Variants in NALF1 observed in about 807,000 individuals in gnomAD.
NALF1 encodes family with sequence similarity 155 member A.
In NALF1, 3 loss-of-function variants were observed where a neutral mutation model predicts 48.4. The ratio of observed to expected loss-of-function variants is 0.06; its 90% CI spans 0.03 to 0.16. The LOEUF (loss-of-function observed/expected upper bound fraction) is 0.16, where lower values mean the gene tolerates loss of function less well. Ranked by LOEUF, NALF1 falls within the 10% of genes least tolerant of loss-of-function variation. The probability of loss-of-function intolerance (pLI) is 1.00; values close to 1 mark genes in which losing one functional copy is unlikely to be tolerated. For missense variants in NALF1, 526 were observed against 571.5 expected, an observed-to-expected ratio of 0.92 and a Z score of 0.81; for synonymous variants, 262 against 245.7, an observed-to-expected ratio of 1.07 and a Z score of -0.62.
chr13:107,843,498 G>A (rs1160942494), intron 1 of NALF1, among the ~76,000 whole-genome samples: 1 of 152,144 alleles, frequency 6.6e-6, no homozygotes, highest in Non-Finnish European at 1.5e-5. Context: ...AACACATCAT[G>A]ACCTGGAAAC....
At chr13:107,637,450 G>T (rs1363103764) in intron 1 of NALF1, among the ~76,000 whole-genome samples, 1 of 152,050 alleles carries the variant, frequency 6.6e-6, no homozygotes, top group East Asian at 1.9e-4. Flanking sequence ...CCTTCTCTGT[G>T]TTATATTCTA....
chr13:107,861,971 T>C (rs1880582246), intron 1 of NALF1, among the ~76,000 whole-genome samples: 1 of 152,234 alleles, frequency 6.6e-6, no homozygotes, highest in African/African-American at 2.4e-5. Flanking sequence ...CTTTTGGTCA[T>C]AGTCTGTTAT....
At chr13:107,711,879 T>C (rs1461108464) in intron 1 of NALF1, among the ~76,000 whole-genome samples, 1 of 152,228 alleles carries the variant, frequency 6.6e-6, no homozygotes, top group African/African-American at 2.4e-5. Context: ...ATAGGAAACA[T>C]GCTTGATAAC....
intron 1 of NALF1, among the ~76,000 whole-genome samples, chr13:107,708,717 A>C (rs60637319): frequency 0.9 from 136,744 of 151,544 alleles, 61,981 homozygotes; most frequent in East Asian, 1. Flanking sequence ...TTTTCTCTTT[A>C]TTTATTTTTT....
intron 1 of NALF1, among the ~76,000 whole-genome samples, chr13:107,590,404 A>G (rs917714531): frequency 2.0e-5 from 3 of 152,044 alleles, no homozygotes; most frequent in African/African-American, 7.2e-5. Context: ...CTTAAGTATC[A>G]TGTGCTCAAC....
In NALF1 at chr13:107,614,647, TGG is replaced by T. The variant is rs527916153; in HGVS notation, c.915+251033_915+251034del. 1.2e-3 allele frequency among the ~76,000 whole-genome samples: 176 copies of T among 152,310 alleles called. 1 individual carries two copies. Among genetic ancestry groups the T allele is most frequent in the African/African-American group, 4.1e-3 (169 of 41,578 alleles). On this transcript the variant is annotated intron_variant, in intron 1 of 2. Transcript: ENST00000375915. ...ATACCAACTATTCTCTGGATAAAGATGGGAGTTTGTCCTTGGATCACATATAC... is the reference window on the plus strand; with the variant it reads ...ATACCAACTATTCTCTGGATAAAGATGAGTTTGTCCTTGGATCACATATAC...
At chr13:107,446,657 G>A (rs766243521) in intron 1 of NALF1, among the ~76,000 whole-genome samples, 94 of 152,116 alleles carry the variant, frequency 6.2e-4, no homozygotes, top group Admixed American at 2.9e-3. Flanking sequence ...TATTTATAGT[G>A]GTGACTCCTA....
intron 1 of NALF1, among the ~76,000 whole-genome samples, chr13:107,425,817 C>T (rs1267723134): frequency 6.6e-6 from 1 of 151,948 alleles, no homozygotes; most frequent in Non-Finnish European, 1.5e-5. Context: ...TATTGGATAT[C>T]TATGTACTAA....
intron 1 of NALF1, among the ~76,000 whole-genome samples, chr13:107,318,562 C>T (rs187155200): frequency 1.1e-3 from 174 of 152,078 alleles, no homozygotes; most frequent in Non-Finnish European, 1.8e-3. Flanking sequence ...ATACTTTGAG[C>T]GGAAGGAGAG....
intron 1 of NALF1, among the ~76,000 whole-genome samples, chr13:107,244,711 TGAAAA>T (rs1880544570): frequency 6.6e-6 from 1 of 152,202 alleles, no homozygotes; most frequent in Admixed American, 6.5e-5. Context: ...ACCATGTTTT[TGAAAA>T]GAAAACACAG....
At chr13:107,367,281 T>C (rs1594139466) in intron 1 of NALF1, among the ~76,000 whole-genome samples, 1 of 152,270 alleles carries the variant, frequency 6.6e-6, no homozygotes, top group Middle Eastern at 3.4e-3. Context: ...GCAAACCTCT[T>C]AGAGAGAGCC....
At chr13:107,806,545 A>G (rs971986922) in intron 1 of NALF1, among the ~76,000 whole-genome samples, 2 of 152,156 alleles carry the variant, frequency 1.3e-5, no homozygotes, top group African/African-American at 2.4e-5. Flanking sequence ...ATCTTTAAAT[A>G]TGGTGTCAAA....
chr13:107,214,822 T>TTTTCCCCTGAAGCATTTTCTCTC (rs1879838478), intron 1 of NALF1, among the ~76,000 whole-genome samples: 1 of 152,204 alleles, frequency 6.6e-6, no homozygotes, highest in Non-Finnish European at 1.5e-5. Flanking sequence ...ATTTTTCTCT[T>TTTTCCCCTGAAGCATTTTCTCTC]TTTCCCCTGA....
chr13:107,836,738 G>T (rs990603918), intron 1 of NALF1, among the ~76,000 whole-genome samples: 2 of 152,146 alleles, frequency 1.3e-5, no homozygotes, highest in Non-Finnish European at 2.9e-5. Context: ...CACTAGCCAA[G>T]TGACCTCAGG....
chr13:107,578,332 G>A (rs531819015), intron 1 of NALF1, among the ~76,000 whole-genome samples: 18 of 152,214 alleles, frequency 1.2e-4, no homozygotes, highest in South Asian at 4.1e-4. Flanking sequence ...TAGTCTTGCC[G>A]TGTTGAAATA....
intron 1 of NALF1, among the ~76,000 whole-genome samples, chr13:107,564,757 T>C (rs1056221759): frequency 1.4e-4 from 21 of 152,200 alleles, no homozygotes; most frequent in African/African-American, 4.6e-4. Flanking sequence ...TGGAAGAGTG[T>C]TGGTGGCAAT....
At chr13:107,660,356 A>G (rs1426814301) in intron 1 of NALF1, among the ~76,000 whole-genome samples, 1 of 149,960 alleles carries the variant, frequency 6.7e-6, no homozygotes, top group Admixed American at 6.7e-5. Flanking sequence ...AATTGCTTGA[A>G]CCTGGGGGCA....
chr13:107,371,568 T>C (rs1883249515), intron 1 of NALF1, among the ~76,000 whole-genome samples: 1 of 152,226 alleles, frequency 6.6e-6, no homozygotes, highest in Non-Finnish European at 1.5e-5. Flanking sequence ...AAGAGTCTCC[T>C]TAAACCTTTT....
Position 107,215,522 on chromosome 13 carries a change from G to A in NALF1, c.916-4767C>T, listed in dbSNP as rs139644625. Among the ~76,000 whole-genome samples, 1,477 of 151,662 alleles carry A rather than the reference G, an allele frequency of 9.7e-3. 20 individuals carry two copies. Among genetic ancestry groups the A allele is most frequent in the African/African-American group, 0.034 (1,405 of 41,376 alleles). On this transcript the variant is annotated intron_variant, in intron 1 of 2. Transcript: ENST00000375915. ...TTAATGAAGATTTTTTTTTTTTAAA[G>A]CTTTGGTTATAACGGCACAGCCTCC...
Sources: gnomAD v4.1 joint callset for allele counts (sites outside exome capture counted in the v4.1 genomes callset) on GRCh38, gnomAD v4.1.1 for gene constraint, MANE v1.5 for transcripts, NCBI Gene and HGNC (gene_info 2026-07-23, HGNC 2026-07-21) for gene names.